KCNH1: variants seen among roughly 807,000 people sequenced by gnomAD.
KCNH1 encodes voltage-gated delayed rectifier potassium channel KCNH1.
KCNH1 carries 27 observed loss-of-function variants against 69.2 expected under a neutral mutation model. That is an observed-to-expected ratio of 0.39 (90% CI 0.29 to 0.54). The LOEUF (loss-of-function observed/expected upper bound fraction) is 0.54. Among genes scored for constraint, KCNH1 ranks in the 20% least tolerant of loss-of-function variants. The pLI is 0.68. For synonymous variants in KCNH1, 456 were observed against 487.7 expected, an observed-to-expected ratio of 0.93 and a Z score of 0.86; for missense variants, 798 against 1,261.6, an observed-to-expected ratio of 0.63 and a Z score of 5.57.
intron 6 of KCNH1, among the ~76,000 whole-genome samples, chr1:210,992,681 A>G (rs1462922406): frequency 6.6e-6 from 1 of 152,090 alleles, no homozygotes; most frequent in African/African-American, 2.4e-5. Context: ...TTACCATGCT[A>G]TTTGTTGCTT....
At chr1:210,815,643 A>T (rs1202233514) in intron 7 of KCNH1, among the ~76,000 whole-genome samples, 1 of 152,226 alleles carries the variant, frequency 6.6e-6, no homozygotes, top group East Asian at 1.9e-4. Context: ...ACTCCTGAAG[A>T]GTTAACAGTC....
Position 211,079,605 on chromosome 1 carries a change from A to T in KCNH1, c.558+3175T>A, listed in dbSNP as rs186147580. Among the ~76,000 whole-genome samples, 150 of 152,354 alleles carry T rather than the reference A, an allele frequency of 9.8e-4. 1 individual carries two copies. The highest frequency in any genetic ancestry group is 3.4e-3 in the Middle Eastern group (1 of 294). On this transcript the variant is annotated intron_variant, in intron 5 of 10. Coordinates refer to ENST00000271751, the MANE Select transcript of KCNH1 (RefSeq NM_172362.3). ...CAAGCCAAATCCAGCAGCACATCAA[A>T]AAGTTTATCCAGCATGATCAAGTTG... is the stretch of plus-strand genomic sequence containing the variant.
intron 7 of KCNH1, among the ~76,000 whole-genome samples, chr1:210,917,247 G>GAAAGA (rs1687361057): frequency 1.4e-5 from 2 of 141,774 alleles, no homozygotes; most frequent in African/African-American, 5.4e-5. Context: ...AAGAAAGAAA[G>GAAAGA]AAAGAAAGAA....
chr1:210,832,931 T>TATATATATATA (rs1202393975), intron 7 of KCNH1, among the ~76,000 whole-genome samples: 2 of 118,262 alleles, frequency 1.7e-5, no homozygotes, highest in South Asian at 2.8e-4. Context: ...TACATATAAA[T>TATATATATATA]TGAATTTGAG....
At chr1:210,814,677 G>T (rs1420888697) in intron 7 of KCNH1, among the ~76,000 whole-genome samples, 1 of 152,148 alleles carries the variant, frequency 6.6e-6, no homozygotes, top group Non-Finnish European at 1.5e-5. Flanking sequence ...TCTTAGGGTG[G>T]CTGGGAATAG....
chr1:210,944,468 C>G (rs1395963520), intron 6 of KCNH1, among the ~76,000 whole-genome samples: 1 of 152,210 alleles, frequency 6.6e-6, no homozygotes, highest in Non-Finnish European at 1.5e-5. Flanking sequence ...GACCACTTAA[C>G]TGCCATATCT....
intron 6 of KCNH1, among the ~76,000 whole-genome samples, chr1:210,926,851 AATAG>A (rs1687584961): frequency 6.6e-6 from 1 of 152,134 alleles, no homozygotes. Context: ...TCTTCAGTGA[AATAG>A]ATAGCATAAA....
At chr1:210,800,896 T>C (rs1307627875) in intron 8 of KCNH1, among the ~76,000 whole-genome samples, 2 of 152,196 alleles carry the variant, frequency 1.3e-5, no homozygotes, top group Admixed American at 6.5e-5. Context: ...CAAGTCCCAG[T>C]GTCAGCACTC....
At position 210,804,090 on chromosome 1, in the gene KCNH1, A is replaced by G. The variant is rs577590985; in HGVS notation, c.1539T>C (p.His513=). The change falls in exon 8 of 11, where the codon CAT becomes CAC. Residue 513 remains histidine (H), a synonymous_variant. Coordinates refer to ENST00000271751, the MANE Select transcript of KCNH1 (RefSeq NM_172362.3). ...AGTCCCGAACACTGTTGAGCATCTC[A>G]TGGTATCTGTTGGTGTTGGCATACA... ...QQMYANTNRY[H]EMLNSVRDFL... 1.3e-6 allele frequency: 2 copies of G among 1,575,554 alleles called. No individual in the cohort carries two copies. The highest frequency in any genetic ancestry group is 2.3e-5 in the East Asian group (1 of 44,406).
chr1:210,797,828 C>G, intron 8 of KCNH1, 68 bp from the exon 9 acceptor site: 2 of 1,546,100 alleles, frequency 1.3e-6, no homozygotes, highest in South Asian at 2.4e-5. Flanking sequence ...TCCTTCAGCA[C>G]TCTAGGGGGA....
At chr1:210,907,529 G>GAAA (rs36116141) in intron 7 of KCNH1, among the ~76,000 whole-genome samples, 32 of 143,658 alleles carry the variant, frequency 2.2e-4, no homozygotes, top group Non-Finnish European at 3.7e-4. Context: ...GGACTGGGAA[G>GAAA]AAAAAAAAAA....
chr1:211,113,155 T>C (rs911660079), intron 1 of KCNH1, among the ~76,000 whole-genome samples: 2 of 152,204 alleles, frequency 1.3e-5, no homozygotes, highest in African/African-American at 4.8e-5. Flanking sequence ...GTCTCAGGGA[T>C]TTCATCATTT....
intron 1 of KCNH1, among the ~76,000 whole-genome samples, 200 bp from the exon 2 acceptor site, chr1:211,107,577 A>T (rs1353159632): frequency 6.6e-6 from 1 of 152,208 alleles, no homozygotes; most frequent in East Asian, 1.9e-4. Flanking sequence ...GCAAGTGCTA[A>T]CTTAGGTCAC....
At chr1:211,026,531 C>G (rs933462573) in intron 5 of KCNH1, among the ~76,000 whole-genome samples, 1 of 152,150 alleles carries the variant, frequency 6.6e-6, no homozygotes, top group South Asian at 2.1e-4. Flanking sequence ...GCCCCCACCC[C>G]GCCTCAGCTA....
intron 7 of KCNH1, chr1:210,861,337 CT>C: frequency 1.3e-6 from 1 of 789,832 alleles, no homozygotes. Flanking sequence ...CCATATATTG[CT>C]TCTCGTTGTA....
intron 7 of KCNH1, among the ~76,000 whole-genome samples, chr1:210,844,007 AAAG>A (rs1375428615): frequency 6.6e-6 from 1 of 152,162 alleles, no homozygotes; most frequent in African/African-American, 2.4e-5. Flanking sequence ...ATGAGACCAC[AAAG>A]AAGGACTTCT....
intron 6 of KCNH1, among the ~76,000 whole-genome samples, chr1:211,011,205 C>T (rs1689386182): frequency 6.6e-6 from 1 of 152,134 alleles, no homozygotes; most frequent in African/African-American, 2.4e-5. Context: ...TCAACTCCCA[C>T]TTATGAGTGA....
At chr1:210,799,895 C>A (rs1393828424) in intron 8 of KCNH1, among the ~76,000 whole-genome samples, 1 of 152,242 alleles carries the variant, frequency 6.6e-6, no homozygotes, top group Non-Finnish European at 1.5e-5. Flanking sequence ...CCCCTGTGCT[C>A]TCCTTGGAGG....
At chr1:211,068,948 T>C (rs1005067965) in intron 5 of KCNH1, among the ~76,000 whole-genome samples, 4 of 152,214 alleles carry the variant, frequency 2.6e-5, no homozygotes, top group East Asian at 1.9e-4. Context: ...GCTTACACTT[T>C]GTGAATTTTA....
Sources: gnomAD v4.1 joint callset for allele counts (sites outside exome capture counted in the v4.1 genomes callset) on GRCh38, gnomAD v4.1.1 for gene constraint, MANE v1.5 for transcripts, NCBI Gene and HGNC (gene_info 2026-07-23, HGNC 2026-07-21) for gene names.